The following EQTN variants were observed in gnomAD, a reference collection of about 807,000 sequenced individuals.
EQTN encodes Acrosome formation associated factor.
EQTN carries 29 observed loss-of-function variants against 26.9 expected under a neutral mutation model. The observed-to-expected ratio is 1.08, with a 90% confidence interval of 0.80 to 1.47. The LOEUF is 1.47. Ranked by LOEUF, EQTN falls within the 40% of genes most tolerant of loss-of-function variation. The pLI, the probability that EQTN is intolerant of heterozygous loss-of-function variation, is 0.00. For missense variants in EQTN, 391 were observed against 346.1 expected (o/e 1.13, Z -1.03); for synonymous variants, 129 against 120.0 (o/e 1.07, Z -0.49).
At chr9:27,294,876 G>C (rs1820305715) in intron 2 of EQTN, among the ~76,000 whole-genome samples, 1 of 152,130 alleles carries the variant, frequency 6.6e-6, no homozygotes, top group African/African-American at 2.4e-5. Context: ...TGCACATAAA[G>C]AATGCTGCTC....
At chr9:27,289,332 G>A (rs1587111527) in intron 6 of EQTN, among the ~76,000 whole-genome samples, 1 of 152,268 alleles carries the variant, frequency 6.6e-6, no homozygotes, top group East Asian at 1.9e-4. Flanking sequence ...TGTCCTCTCT[G>A]AGATGTTAGT....
At chr9:27,294,087 T>G (rs528653270) in intron 3 of EQTN, among the ~76,000 whole-genome samples, 73 of 152,272 alleles carry the variant, frequency 4.8e-4, no homozygotes, top group Non-Finnish European at 2.9e-5. Flanking sequence ...AAATTATCAG[T>G]GTAATGGATG....
chr9:27,294,443 A>G, intron 2 of EQTN, 41 bp from the exon 3 acceptor site: 13 of 1,292,564 alleles, frequency 1.0e-5, no homozygotes, highest in Non-Finnish European at 1.4e-5. Flanking sequence ...TAGCTAAGTC[A>G]CTTTTTTTCC....
intron 7 of EQTN, 36 bp downstream of exon 7, chr9:27,286,173 A>G: frequency 6.2e-7 from 1 of 1,601,870 alleles, no homozygotes; most frequent in Non-Finnish European, 8.5e-7. Context: ...GATGTCATGC[A>G]TTTGTTGTAA....
intron 2 of EQTN, among the ~76,000 whole-genome samples, chr9:27,295,700 C>T (rs1587117403): frequency 1.3e-5 from 2 of 151,856 alleles, no homozygotes; most frequent in South Asian, 4.1e-4. Flanking sequence ...GGCGTGGTGG[C>T]GGGCGCCTGT....
Position 27,296,678 on chromosome 9 carries a change from T to C in EQTN, c.137A>G (p.Asp46Gly). 6.2e-7 allele frequency: 1 copy of C among 1,605,172 alleles called. No homozygotes were observed. Among genetic ancestry groups the C allele is most frequent in the East Asian group, 2.2e-5 (1 of 44,734 alleles). The change falls in exon 2 of 8, where the codon GAT (aspartate) becomes GGT (glycine). Residue 46 changes from aspartate (D) to glycine (G), a missense_variant. By Grantham distance (94) the Asp-to-Gly change is moderately conservative. Coordinates refer to ENST00000380032, the MANE Select transcript of EQTN (RefSeq NM_020641.3). ...DVNKQEEKNE[D>G]HTPNYAPANE... ...AGCAGGAGCATAATTGGGAGTATGA[T>C]CTTCATTCTTTTCTTCCTGCTTATT...
intron 4 of EQTN, 25 bp from the exon 5 acceptor site, chr9:27,291,088 C>T: frequency 6.3e-7 from 1 of 1,576,748 alleles, no homozygotes; most frequent in Non-Finnish European, 8.6e-7. Flanking sequence ...CAAAACACAA[C>T]AAGAACAACA....
chr9:27,297,028 G>A lies in EQTN; in HGVS notation c.28C>T (p.Pro10Ser), dbSNP rs1023595862. The change falls in exon 1 of 8, where the codon CCT becomes TCT. Residue 10 changes from proline (P) to serine (S), a missense_variant. Physicochemically the swap from Pro to Ser is moderately conservative, Grantham distance 74 (BLOSUM62 -1). Transcript: ENST00000380032. ...CTACTTTTTAAGGAAAAAACTCCAG[G>A]TATAAAAATAAACAATATAAAATTC... MNFILFIFI[P>S]GVFSLKSSTL... 2 of 1,610,120 alleles carry A rather than the reference G, an allele frequency of 1.2e-6. No homozygotes were observed. Among genetic ancestry groups the A allele is most frequent in the Non-Finnish European group, 1.7e-6 (2 of 1,177,372 alleles).
intron 4 of EQTN, chr9:27,292,135 T>G (rs749340069): frequency 1.2e-4 from 26 of 212,584 alleles, no homozygotes; most frequent in Non-Finnish European, 2.4e-4. Context: ...TAAGTACGTA[T>G]TTAATATAGA....
rs144642953 is a variant in EQTN, at chr9:27,296,612, C to T, written c.202+1G>A. 406 of 1,495,704 alleles carry T rather than the reference C, an allele frequency of 2.7e-4. No homozygotes were observed. The highest frequency in any genetic ancestry group is 3.6e-4 in the Non-Finnish European group (396 of 1,085,226). 92.7% of individuals were successfully genotyped at this position (1,495,704 alleles called of 1,614,324 possible). On this transcript the variant is annotated splice_donor_variant, in intron 2 of 7. Coordinates refer to ENST00000380032, the MANE Select transcript of EQTN (RefSeq NM_020641.3). LOFTEE classifies it high-confidence loss of function. Reference sequence around the variant, plus strand: ...CATTTCTATTCACTTTAAAGACTTACATTGTTTTATATCTTTATAATAATT... The same window carrying T: ...CATTTCTATTCACTTTAAAGACTTATATTGTTTTATATCTTTATAATAATT...
In EQTN at chr9:27,289,671, C is replaced by A. The variant is rs1293258750; in HGVS notation, c.481+1G>T. ...AGTCAATTGAAATATTTTGTTCTTA[C>A]CTGGAATTGGGTGAAATAATTGATC... On this transcript the variant is annotated splice_donor_variant, in intron 6 of 7. Transcript: ENST00000380032. LOFTEE classifies it high-confidence loss of function. 12 of 1,603,566 alleles carry A rather than the reference C, an allele frequency of 7.5e-6. No individual in the cohort carries two copies. Among genetic ancestry groups the A allele is most frequent in the African/African-American group, 1.3e-5 (1 of 74,732 alleles).
At position 27,284,937 on chromosome 9, in the gene EQTN, G is replaced by C; in HGVS notation, c.671C>G (p.Pro224Arg). ...AAAGTAAGACATCGTGGCCAGCTCT[G>C]GGTTGACAGAGTACTGACTCTCACA... is the stretch of plus-strand genomic sequence containing the variant. The part of the protein sequence containing the change: ...KSCESQYSVN[P>R]ELATMSYFHP... The change falls in exon 8 of 8, where the codon CCA becomes CGA. Residue 224 changes from proline to arginine, a missense_variant. By Grantham distance (103) the Pro-to-Arg change is moderately radical. Coordinates refer to ENST00000380032, the MANE Select transcript of EQTN (RefSeq NM_020641.3). 6.2e-7 allele frequency: 1 copy of C among 1,613,936 alleles called. No individual in the cohort carries two copies. Among genetic ancestry groups the C allele is most frequent in the Non-Finnish European group, 8.5e-7 (1 of 1,179,960 alleles).
At chr9:27,291,181 T>A (rs1339900057) in intron 4 of EQTN, 118 bp from the exon 5 acceptor site, 1 of 857,068 alleles carries the variant, frequency 1.2e-6, no homozygotes, top group Non-Finnish European at 1.7e-6. Flanking sequence ...TGAGCTCCTA[T>A]AATGTGTCAG....
Position 27,297,132 on chromosome 9 carries a change from T to C in EQTN, c.-77A>G. On this transcript the variant is annotated 5_prime_UTR_variant, in exon 1 of 8. Coordinates refer to ENST00000380032, the MANE Select transcript of EQTN (RefSeq NM_020641.3). ...CCTTTCTGTGGCCCAGCAGGTCCTG[T>C]GTCTAACTAGGACATTATGACATCA... 1 of 988,830 alleles carries C rather than the reference T, an allele frequency of 1.0e-6. No homozygotes were observed. The highest frequency in any genetic ancestry group is 1.5e-6 in the Non-Finnish European group (1 of 651,704). 61.3% of individuals were successfully genotyped at this position (988,830 alleles called of 1,614,324 possible). A position where few individuals can be genotyped will look rare whatever the true frequency, so the allele number is the denominator to read the frequency against.
chr9:27,289,272 G>C (rs557329693), intron 6 of EQTN, among the ~76,000 whole-genome samples: 1 of 152,224 alleles, frequency 6.6e-6, no homozygotes, highest in South Asian at 2.1e-4. Flanking sequence ...CATGTGGGAG[G>C]TATAACTAAA....
chr9:27,286,495 G>A (rs954855537), intron 6 of EQTN, 133 bp from the exon 7 acceptor site: 36 of 816,342 alleles, frequency 4.4e-5, no homozygotes, highest in East Asian at 5.4e-5. Flanking sequence ...CTCCCATCCC[G>A]CAGGCAATGC....
chr9:27,289,455 G>C (rs1290058158), intron 6 of EQTN, among the ~76,000 whole-genome samples: 2 of 152,182 alleles, frequency 1.3e-5, no homozygotes, highest in African/African-American at 4.8e-5. Flanking sequence ...CATTTGTTGA[G>C]ACAGGGTCTC....
At chr9:27,294,445 T>G (rs553116391) in intron 2 of EQTN, 43 bp from the exon 3 acceptor site, 2 of 1,218,216 alleles carry the variant, frequency 1.6e-6, no homozygotes, top group South Asian at 1.7e-5. Context: ...GCTAAGTCAC[T>G]TTTTTTCCTT....
At chr9:27,294,209 C>T (rs1820291359) in intron 3 of EQTN, 107 bp downstream of exon 3, 1 of 673,334 alleles carries the variant, frequency 1.5e-6, no homozygotes, top group East Asian at 2.8e-5. Context: ...AAATGTTAGT[C>T]TTATTTAGGA....
Sources: allele counts gnomAD v4.1 joint callset (sites outside exome capture counted in the v4.1 genomes callset), GRCh38; gene constraint gnomAD v4.1.1; transcripts MANE v1.5; gene names NCBI Gene and HGNC (gene_info 2026-07-23, HGNC 2026-07-21).